The following BRSK2 variants were observed in gnomAD, a reference collection of about 807,000 sequenced individuals.
BRSK2 encodes the protein serine/threonine-protein kinase BRSK2.
Under a neutral mutation model 83.3 loss-of-function variants are expected in BRSK2, and 19 were observed. That is an observed-to-expected ratio of 0.23 (90% CI 0.16 to 0.33). BRSK2 has a LOEUF of 0.33. Ranked by LOEUF, BRSK2 falls within the 10% of genes least tolerant of loss-of-function variation. The pLI is 1.00. For missense variants in BRSK2, 798 were observed against 1,042.3 expected (o/e 0.77, Z 3.23); for synonymous variants, 519 against 435.4 (o/e 1.19, Z -2.39).
chr11:1,447,349 C>T (rs944463967), intron 12 of BRSK2, among the ~76,000 whole-genome samples: 14 of 152,204 alleles, frequency 9.2e-5, no homozygotes, highest in African/African-American at 1.4e-4. Flanking sequence ...CTGGCCCCTC[C>T]GGTCAGCGGC....
chr11:1,406,560 G>A (rs1031897307), intron 1 of BRSK2, among the ~76,000 whole-genome samples: 2 of 152,250 alleles, frequency 1.3e-5, no homozygotes, highest in African/African-American at 4.8e-5. Flanking sequence ...GGCGAGCGGA[G>A]CTGGTATTTG....
intron 1 of BRSK2, among the ~76,000 whole-genome samples, chr11:1,398,495 T>C (rs971462993): frequency 5.3e-5 from 8 of 151,714 alleles, no homozygotes; most frequent in African/African-American, 1.9e-4. Context: ...ATACAGGGGG[T>C]GGAGAGGCAG....
rs1564891809 is a variant in BRSK2 at position 1,459,252 on chromosome 11, C to T, written c.1987+13C>T. 3 of 1,613,418 alleles carry T rather than the reference C, an allele frequency of 1.9e-6. No individual in the cohort carries two copies. The highest frequency in any genetic ancestry group is 2.5e-6 in the Non-Finnish European group (3 of 1,179,658). On this transcript the variant is annotated intron_variant, in intron 19 of 19. Transcript: ENST00000528841. ...CTTTCCAAATGTGGTAAGAATCCCC[C>T]ACGCTCACCTGGCACCTCCACCTGC...
chr11:1,421,453 T>C (rs766408986), intron 1 of BRSK2, among the ~76,000 whole-genome samples: 1 of 152,158 alleles, frequency 6.6e-6, no homozygotes, highest in Non-Finnish European at 1.5e-5. Flanking sequence ...GTTTGGGTGC[T>C]GGGTTAGGAG....
rs774851364 is a variant in BRSK2 at position 1,390,003 on chromosome 11, G to GGCCT, written c.-282_-281insGCCT. On this transcript the variant is annotated 5_prime_UTR_variant, in exon 1 of 20. Transcript: ENST00000528841. This position sits in a 1 kb window ranked among gnomAD's most constrained non-coding sequence, Gnocchi z 6.8. The stretch of plus-strand genomic sequence containing the variant: ...CGCGGGGCGCGGGGCGCGGGCCTCG[G>GGCCT]CGGCGGCGGCGGCGGCGGCGGCGGA... 1.5e-5 allele frequency: 2 copies of GGCCT among 131,562 alleles called. No homozygotes were observed. Among genetic ancestry groups the GGCCT allele is most frequent in the Non-Finnish European group, 1.7e-5 (1 of 57,690 alleles). 8.1% of individuals were successfully genotyped at this position (131,562 alleles called of 1,614,324 possible).
intron 1 of BRSK2, among the ~76,000 whole-genome samples, chr11:1,399,261 G>A (rs1043025389): frequency 1.3e-5 from 2 of 152,138 alleles, no homozygotes; most frequent in Non-Finnish European, 2.9e-5. Context: ...TGTCCACACC[G>A]CAGTTTCCCT....
chr11:1,444,009 G>A (rs893419605), intron 8 of BRSK2, among the ~76,000 whole-genome samples: 1 of 152,108 alleles, frequency 6.6e-6, no homozygotes, highest in Non-Finnish European at 1.5e-5. Flanking sequence ...ATTGGGTGAG[G>A]GCGTAGGTGT....
intron 8 of BRSK2, 86 bp from the exon 9 acceptor site, chr11:1,444,885 A>G (rs1590604738): frequency 1.6e-6 from 2 of 1,262,098 alleles, no homozygotes; most frequent in East Asian, 4.8e-5. Flanking sequence ...CCGTGCTCCC[A>G]GCGCCCCTGC....
At chr11:1,437,043 C>G (rs1411774911) in intron 2 of BRSK2, among the ~76,000 whole-genome samples, 1 of 151,910 alleles carries the variant, frequency 6.6e-6, no homozygotes, top group Non-Finnish European at 1.5e-5. Context: ...CTGGATGGGG[C>G]TGGCAGGGTC....
Position 1,445,761 on chromosome 11 carries a change from T to A in BRSK2, c.1080T>A (p.Pro360=). The A allele has an allele frequency of 6.2e-7, 1 of 1,611,542 alleles. No individual in the cohort carries two copies. Among genetic ancestry groups the A allele is most frequent in the South Asian group, 1.1e-5 (1 of 91,000 alleles). ...EDLPPRNEID[P]PRKRVDSPML... ...CTGACCTTCGTCTGTACTCAGACCC[T>A]CCCCGGAAGCGTGTGGACTCCCCGA... The change falls in exon 12 of 20, where the codon CCT becomes CCA. Residue 360 remains proline, a synonymous_variant. Transcript: ENST00000528841.
chr11:1,461,114 A>G lies in BRSK2; in HGVS notation c.*391A>G. 2.1e-6 allele frequency: 3 copies of G among 1,420,480 alleles called. No homozygotes were observed. In the South Asian group the frequency reaches 3.7e-5, roughly 18 times the overall value. 88.0% of individuals were successfully genotyped at this position (1,420,480 alleles called of 1,614,324 possible). A position where few individuals can be genotyped will look rare whatever the true frequency, so the allele number is the denominator to read the frequency against. Reference sequence around the variant, plus strand: ...CCCAGCGCCCCGTCCACCCCGCGGCAGCTCCTCGCCTCAGCTCCGCACGGC... The same window carrying G: ...CCCAGCGCCCCGTCCACCCCGCGGCGGCTCCTCGCCTCAGCTCCGCACGGC... On this transcript the variant is annotated 3_prime_UTR_variant, in exon 20 of 20. Coordinates refer to ENST00000528841, the MANE Select transcript of BRSK2 (RefSeq NM_001256627.2).
At chr11:1,429,316 C>T (rs182252419) in intron 1 of BRSK2, among the ~76,000 whole-genome samples, 2 of 97,626 alleles carry the variant, frequency 2.0e-5, no homozygotes, top group East Asian at 9.8e-4. Context: ...GGTGTGTGTG[C>T]GTGTGCGCAC....
At chr11:1,445,482 T>C in intron 10 of BRSK2, 24 bp downstream of exon 10, 4 of 1,610,366 alleles carry the variant, frequency 2.5e-6, no homozygotes, top group Non-Finnish European at 3.4e-6. Context: ...TGCTCCCGGG[T>C]GGGGCACGGG....
chr11:1,423,069 C>G lies in BRSK2; in HGVS notation c.92-12971C>G, dbSNP rs377396470. 1.9e-4 allele frequency among the ~76,000 whole-genome samples: 29 copies of G among 152,294 alleles called. No individual in the cohort carries two copies. In the East Asian group the frequency reaches 5.2e-3, roughly 27 times the overall value. ...GCCTTAGCTCAGCCAGACAGCAGCC[C>G]GGAGGGTTAATGTCCAGGTACCTCC... On this transcript the variant is annotated intron_variant, in intron 1 of 19. Transcript: ENST00000528841. This position sits in a 1 kb window ranked among gnomAD's most constrained non-coding sequence, Gnocchi z 6.5.
At chr11:1,449,079 T>A (rs1419232688) in intron 12 of BRSK2, among the ~76,000 whole-genome samples, 3 of 152,098 alleles carry the variant, frequency 2.0e-5, no homozygotes, top group African/African-American at 4.8e-5. Flanking sequence ...GTCCGTGCAG[T>A]GTGGTGGAAC....
chr11:1,444,574 G>A (rs913904395), intron 8 of BRSK2, among the ~76,000 whole-genome samples: 1 of 152,026 alleles, frequency 6.6e-6, no homozygotes. Flanking sequence ...TCCTGCCTTG[G>A]TTCCTTCCTA....
intron 12 of BRSK2, among the ~76,000 whole-genome samples, chr11:1,446,859 G>A (rs992883714): frequency 1.3e-5 from 2 of 152,186 alleles, no homozygotes; most frequent in South Asian, 4.1e-4. Flanking sequence ...CTGTGATCTG[G>A]GCCTCAGCAC....
intron 1 of BRSK2, chr11:1,411,488 G>A: frequency 1.3e-6 from 2 of 1,484,486 alleles, no homozygotes; most frequent in Admixed American, 2.3e-5. Flanking sequence ...CCCCAAGAGA[G>A]CCCAGGTCTG....
chr11:1,440,931 G>A lies in BRSK2; in HGVS notation c.413+3G>A, dbSNP rs1851133961. On this transcript the variant is annotated splice_donor_region_variant and intron_variant, in intron 4 of 19. Coordinates refer to ENST00000528841, the MANE Select transcript of BRSK2 (RefSeq NM_001256627.2). Reference sequence around the variant, plus strand: ...TTCTGCCACAGCCACTCCATATGGTGAGGCCCCACCCCTGGTGCCCCCCAC... The same window carrying A: ...TTCTGCCACAGCCACTCCATATGGTAAGGCCCCACCCCTGGTGCCCCCCAC... 3.2e-6 allele frequency: 5 copies of A among 1,568,986 alleles called. No individual in the cohort carries two copies. Among genetic ancestry groups the A allele is most frequent in the African/African-American group, 1.7e-5 (1 of 60,248 alleles).
Sources: allele counts gnomAD v4.1 joint callset (sites outside exome capture counted in the v4.1 genomes callset), GRCh38; gene constraint gnomAD v4.1.1; non-coding constraint Gnocchi (gnomAD v3.1); transcripts MANE v1.5; gene names NCBI Gene and HGNC (gene_info 2026-07-23, HGNC 2026-07-21).